The following TBC1D16 variants were observed in gnomAD, a reference collection of about 807,000 sequenced individuals.
The protein encoded by TBC1D16 is TBC1 domain family member 16.
TBC1D16 carries 58 observed loss-of-function variants against 74.7 expected under a neutral mutation model. That is an observed-to-expected ratio of 0.78 (90% CI 0.63 to 0.97). The LOEUF (loss-of-function observed/expected upper bound fraction) is 0.97, where lower values mean the gene tolerates loss of function less well. Among genes scored for constraint, TBC1D16 ranks in the 50% least tolerant of loss-of-function variants. TBC1D16 has a pLI of 0.00. For synonymous variants in TBC1D16, 493 were observed against 474.7 expected, an observed-to-expected ratio of 1.04 and a Z score of -0.50; for missense variants, 1,014 against 1,079.5, an observed-to-expected ratio of 0.94 and a Z score of 0.85.
intron 3 of TBC1D16, among the ~76,000 whole-genome samples, chr17:79,992,572 A>T (rs1484084008): frequency 6.6e-6 from 1 of 152,210 alleles, no homozygotes; most frequent in South Asian, 2.1e-4. Flanking sequence ...TTTACAATCT[A>T]CTGGAGTCTG....
rs2031959792 is a variant in TBC1D16, at chr17:79,941,335, T to C, written c.2056-228A>G. Among the ~76,000 whole-genome samples the C allele has an allele frequency of 6.6e-6, 1 of 152,200 alleles. No individual in the cohort carries two copies. The highest frequency in any genetic ancestry group is 1.5e-5 in the Non-Finnish European group (1 of 68,024). ...TGGGACCCACAAGGCACTCGGGCTGTGCTCACAGGTGGCTCGAGGTGAACA... is the reference window on the plus strand; with the variant it reads ...TGGGACCCACAAGGCACTCGGGCTGCGCTCACAGGTGGCTCGAGGTGAACA... On this transcript the variant is annotated intron_variant, in intron 11 of 11. Coordinates refer to ENST00000310924, the MANE Select transcript of TBC1D16 (RefSeq NM_019020.4). The surrounding 1 kb of genome is among the most constrained non-coding windows in gnomAD (Gnocchi z 4.3).
chr17:80,022,131 A>T (rs2036308485), intron 1 of TBC1D16, among the ~76,000 whole-genome samples: 1 of 149,716 alleles, frequency 6.7e-6, no homozygotes, highest in Non-Finnish European at 1.5e-5. Flanking sequence ...TCTATGTTCA[A>T]TGAACTACTT....
At position 79,975,676 on chromosome 17, in the gene TBC1D16, A is replaced by G. The variant is rs1361432901; in HGVS notation, c.780-22858T>C. On this transcript the variant is annotated intron_variant, in intron 3 of 11. Coordinates refer to ENST00000310924, the MANE Select transcript of TBC1D16 (RefSeq NM_019020.4). The surrounding 1 kb of genome is among the most constrained non-coding windows in gnomAD (Gnocchi z 4.5). ...AAAAGACAAATATCATTTTTCCTCC[A>G]GTTTGCAACCAACTGTGCACAGCTT... 2.0e-5 allele frequency among the ~76,000 whole-genome samples: 3 copies of G among 152,176 alleles called. No individual in the cohort carries two copies. Among genetic ancestry groups the G allele is most frequent in the Non-Finnish European group, 4.4e-5 (3 of 68,032 alleles).
chr17:80,018,939 T>C (rs1414808749), intron 1 of TBC1D16, among the ~76,000 whole-genome samples: 1 of 150,186 alleles, frequency 6.7e-6, no homozygotes, highest in Admixed American at 6.6e-5. Flanking sequence ...CTGCTGTGCA[T>C]TTTGCACTTA....
At chr17:80,032,716 C>T (rs1473648479) in intron 1 of TBC1D16, among the ~76,000 whole-genome samples, 1 of 152,192 alleles carries the variant, frequency 6.6e-6, no homozygotes, top group African/African-American at 2.4e-5. Flanking sequence ...GCCTCATTAA[C>T]AGCAATATAA....
intron 3 of TBC1D16, among the ~76,000 whole-genome samples, chr17:79,960,809 A>AAAAAGCC (rs2033576160): frequency 7.3e-6 from 1 of 136,146 alleles, no homozygotes; most frequent in Non-Finnish European, 1.6e-5. Context: ...AAAAAAAAAA[A>AAAAAGCC]CGAAGGAATG....
At position 79,983,643 on chromosome 17, in the gene TBC1D16, A is replaced by G. The variant is rs1217004607; in HGVS notation, c.779+26517T>C. On this transcript the variant is annotated intron_variant, in intron 3 of 11. Coordinates refer to ENST00000310924, the MANE Select transcript of TBC1D16 (RefSeq NM_019020.4). This position sits in a 1 kb window ranked among gnomAD's most constrained non-coding sequence, Gnocchi z 5.6. Reference sequence around the variant, plus strand: ...ACATGTGTGCAAAGCCTGCTTTAGGAGAGCAAGGAAGTGCCGCCCACGGCA... The same window carrying G: ...ACATGTGTGCAAAGCCTGCTTTAGGGGAGCAAGGAAGTGCCGCCCACGGCA... Among the ~76,000 whole-genome samples, 1 of 152,188 alleles carries G rather than the reference A, an allele frequency of 6.6e-6. No homozygotes were observed. The highest frequency in any genetic ancestry group is 1.5e-5 in the Non-Finnish European group (1 of 68,028).
rs77251489 is a variant in TBC1D16, at chr17:80,027,037, C to T, written c.-63+8758G>A. On this transcript the variant is annotated intron_variant, in intron 1 of 11. Transcript: ENST00000310924. ...ACAGGCCTGCAGCAAAGAACAGACACCAGGCTTTTCCAATCTATAGGAAGG... is the reference window on the plus strand; with the variant it reads ...ACAGGCCTGCAGCAAAGAACAGACATCAGGCTTTTCCAATCTATAGGAAGG... Among the ~76,000 whole-genome samples the T allele has an allele frequency of 9.2e-3, 1,272 of 138,250 alleles. 26 individuals carry two copies. The highest frequency in any genetic ancestry group is 0.031 in the East Asian group (154 of 4,946). The allele number at this position is 138,250 out of a possible 152,430, so 90.7% of individuals were successfully genotyped here.
At chr17:79,970,680 G>A (rs2034050455) in intron 3 of TBC1D16, among the ~76,000 whole-genome samples, 1 of 152,280 alleles carries the variant, frequency 6.6e-6, no homozygotes, top group Admixed American at 6.5e-5. Context: ...AGCACAGGGT[G>A]GGAGGTGGAG....
Position 79,940,808 on chromosome 17 carries a change from AG to A in TBC1D16, c.*50del, listed in dbSNP as rs764742864. ...CCCAGCCCCACCCCCTCCCGTGCCC[AG>A]GGCCTCTGAGGAGGTCCCCTCAACC... On this transcript the variant is annotated 3_prime_UTR_variant, in exon 12 of 12. Coordinates refer to ENST00000310924, the MANE Select transcript of TBC1D16 (RefSeq NM_019020.4). The surrounding 1 kb of genome is among the most constrained non-coding windows in gnomAD (Gnocchi z 5.4). 66 of 1,456,320 alleles carry A rather than the reference AG, an allele frequency of 4.5e-5. No individual in the cohort carries two copies. In the African/African-American group the frequency reaches 8.9e-4, roughly 20 times the overall value. 90.2% of individuals were successfully genotyped at this position (1,456,320 alleles called of 1,614,324 possible). A position where few individuals can be genotyped will look rare whatever the true frequency, so the allele number is the denominator to read the frequency against.
rs2035204948 is a variant in TBC1D16 at position 79,994,798 on chromosome 17, C to A, written c.779+15362G>T. ...TGGCCAAGGCAGTGACCCCAAGCCA[C>A]ATGTGGCATCACACTTGAGACGTGG... On this transcript the variant is annotated intron_variant, in intron 3 of 11. Transcript: ENST00000310924. This position sits in a 1 kb window ranked among gnomAD's most constrained non-coding sequence, Gnocchi z 4.6. Among the ~76,000 whole-genome samples the A allele has an allele frequency of 6.6e-6, 1 of 152,186 alleles. No homozygotes were observed. The highest frequency in any genetic ancestry group is 1.9e-4 in the East Asian group (1 of 5,188).
In TBC1D16 at chr17:80,010,508, A is replaced by G; in HGVS notation, c.431T>C (p.Val144Ala). ...LTPKDEDILV[V>A]AQSVPDRMLA... ...CATGCGGTCTGGAACACTCTGGGCC[A>G]CCACCAGGATGTCCTCATCTTTGGG... Residue 144 changes from valine (V) to alanine (A), a missense_variant, in exon 3 of 12, where the codon GTG (valine) becomes GCG (alanine). Physicochemically the swap from Val to Ala is moderately conservative, Grantham distance 64. Coordinates refer to ENST00000310924, the MANE Select transcript of TBC1D16 (RefSeq NM_019020.4). The surrounding 1 kb of genome is among the most constrained non-coding windows in gnomAD (Gnocchi z 8.8). The G allele has an allele frequency of 6.2e-7, 1 of 1,611,116 alleles. No individual in the cohort carries two copies. Among genetic ancestry groups the G allele is most frequent in the African/African-American group, 1.3e-5 (1 of 74,992 alleles).
chr17:80,015,500 T>TGG, intron 1 of TBC1D16, among the ~76,000 whole-genome samples: 1 of 152,074 alleles, frequency 6.6e-6, no homozygotes, highest in East Asian at 1.9e-4. Flanking sequence ...TGATCACTGA[T>TGG]GGGGGATGTC....
intron 3 of TBC1D16, among the ~76,000 whole-genome samples, chr17:79,964,529 C>T (rs565855058): frequency 6.6e-6 from 1 of 151,944 alleles, no homozygotes; most frequent in Non-Finnish European, 1.5e-5. Flanking sequence ...TGGGGGGACA[C>T]GAAGAAACTT....
chr17:79,936,909 C>CGTGCGTGT lies in TBC1D16; in HGVS notation c.*3949_*3950insACACGCAC, dbSNP rs1555852434. 8.2e-6 allele frequency: 1 copy of CGTGCGTGT among 122,200 alleles called. No individual in the cohort carries two copies. The highest frequency in any genetic ancestry group is 2.7e-5 in the African/African-American group (1 of 37,274). 7.6% of individuals were successfully genotyped at this position (122,200 alleles called of 1,614,324 possible). The stretch of plus-strand genomic sequence containing the variant: ...GTGCATGCGTGCGTGTGTGCATGTG[C>CGTGCGTGT]GTGTGTGTGTGTGTGTGTGTGTGTG... On this transcript the variant is annotated 3_prime_UTR_variant, in exon 12 of 12. Transcript: ENST00000310924.
intron 3 of TBC1D16, among the ~76,000 whole-genome samples, chr17:79,967,786 CAA>C (rs1464585353): frequency 3.9e-5 from 6 of 151,912 alleles, no homozygotes; most frequent in Non-Finnish European, 8.8e-5. Context: ...CCAGAATAGC[CAA>C]AACAACATTG....
chr17:79,953,821 G>C (rs2033199954), intron 3 of TBC1D16, among the ~76,000 whole-genome samples: 1 of 151,620 alleles, frequency 6.6e-6, no homozygotes, highest in Non-Finnish European at 1.5e-5. Context: ...ACCCAGGCTG[G>C]AGTGCAGTGT....
intron 1 of TBC1D16, among the ~76,000 whole-genome samples, chr17:80,022,330 TTTTA>T (rs549554968): frequency 2.0e-5 from 3 of 149,646 alleles, no homozygotes; most frequent in African/African-American, 7.7e-5. Context: ...GGACGTTTAT[TTTTA>T]TTTATTTATT....
In TBC1D16 at chr17:79,951,573, C is replaced by T; in HGVS notation, c.966G>A (p.Gln322=). 1 of 1,613,854 alleles carries T rather than the reference C, an allele frequency of 6.2e-7. No individual in the cohort carries two copies. The highest frequency in any genetic ancestry group is 8.5e-7 in the Non-Finnish European group (1 of 1,179,920). Residue 322 remains glutamine (Q), a synonymous_variant, in exon 5 of 12, where the codon CAG becomes CAA. Transcript: ENST00000310924. ...FFSDEACTSG[Q]LVVASRESQY... ...GGCTCTCTCGGCTGGCAACGACCAG[C>T]TGGCCGCTGGTGCAGGCCTCGTCGC...
Sources: allele counts gnomAD v4.1 joint callset (sites outside exome capture counted in the v4.1 genomes callset), GRCh38; gene constraint gnomAD v4.1.1; non-coding constraint Gnocchi (gnomAD v3.1); transcripts MANE v1.5; gene names NCBI Gene and HGNC (gene_info 2026-07-23, HGNC 2026-07-21).